NRAP: variants seen among roughly 807,000 people sequenced by gnomAD.
NRAP encodes the protein nebulin-related-anchoring protein.
Under a neutral mutation model 225.9 loss-of-function variants are expected in NRAP, and 189 were observed. That is an observed-to-expected ratio of 0.84 (90% CI 0.74 to 0.94). The LOEUF is 0.94. Ranked by LOEUF, NRAP falls within the 40% of genes least tolerant of loss-of-function variation. The pLI is 0.00. For synonymous variants in NRAP, 769 were observed against 790.7 expected (o/e 0.97, Z 0.46); for missense variants, 2,176 against 2,168.7 (o/e 1.00, Z -0.07).
chr10:113,646,129 A>C lies in NRAP; in HGVS notation c.994-188T>G, dbSNP rs563682848. 1.2e-3 allele frequency among the ~76,000 whole-genome samples: 188 copies of C among 152,236 alleles called. 2 individuals carry two copies. Among genetic ancestry groups the C allele is most frequent in the Non-Finnish European group, 1.2e-3 (83 of 68,004 alleles). On this transcript the variant is annotated intron_variant, in intron 10 of 41. Coordinates refer to ENST00000359988, the MANE Select transcript of NRAP (RefSeq NM_198060.4). ...CTACTTTGTCCTTTTTTGTTATTAAAATTTTCCTGGCCCTTTTCACACTTT... is the reference window on the plus strand; with the variant it reads ...CTACTTTGTCCTTTTTTGTTATTAACATTTTCCTGGCCCTTTTCACACTTT...
intron 19 of NRAP, 64 bp from the exon 20 acceptor site, chr10:113,629,085 G>A (rs962787786): frequency 1.8e-5 from 21 of 1,136,292 alleles, no homozygotes; most frequent in Non-Finnish European, 2.7e-5. Context: ...AAAGTTGATG[G>A]GAGAGTTAAG....
chr10:113,622,035 T>G lies in NRAP; in HGVS notation c.2603A>C (p.Lys868Thr), dbSNP rs780583055. Residue 868 changes from lysine (K) to threonine (T), a missense_variant, in exon 24 of 42, where the codon AAA (lysine) becomes ACA (threonine). By Grantham distance (78) the Lys-to-Thr change is moderately conservative. This residue lies in a region of NRAP where 1,708 missense variants were observed against 1,695.5 expected (regional missense o/e 1.01). Transcript: ENST00000359988. ...GTCCAGGGAGACGTGGCATTGGGAT[T>G]TGGTGTCCTCGAATCCCTTCTTGTA... ...LEYKKGFEDT[K>T]SQCHVSLDMV... The G allele has an allele frequency of 5.0e-6, 8 of 1,614,226 alleles. No individual in the cohort carries two copies. The South Asian group carries it at 8.8e-5, about 18-fold the overall frequency.
At chr10:113,614,699 A>C (rs1246653369) in intron 28 of NRAP, 140 bp downstream of exon 28, 3 of 642,270 alleles carry the variant, frequency 4.7e-6, no homozygotes, top group Non-Finnish European at 8.5e-6. Flanking sequence ...CTCACTGGTC[A>C]TTATCTGATT....
intron 14 of NRAP, among the ~76,000 whole-genome samples, chr10:113,635,020 G>A (rs552394562): frequency 2.4e-4 from 37 of 152,260 alleles, no homozygotes; most frequent in African/African-American, 8.7e-4. Flanking sequence ...AGAAGATGCA[G>A]GTTCAAAAGA....
At chr10:113,629,901 G>T in intron 18 of NRAP, 116 bp from the exon 19 acceptor site, 1 of 681,016 alleles carries the variant, frequency 1.5e-6, no homozygotes, top group South Asian at 1.8e-5. Context: ...TCGGCACTCT[G>T]GGCACTGCCA....
intron 35 of NRAP, among the ~76,000 whole-genome samples, chr10:113,601,077 C>T (rs914714686): frequency 2.0e-5 from 3 of 152,152 alleles, no homozygotes; most frequent in Non-Finnish European, 4.4e-5. Flanking sequence ...AGGCAACAGC[C>T]GACTTGAGAA....
At chr10:113,638,598 T>A (rs1849014351) in intron 14 of NRAP, among the ~76,000 whole-genome samples, 2 of 152,064 alleles carry the variant, frequency 1.3e-5, no homozygotes. Flanking sequence ...CTAAAGGAGG[T>A]ACAGCAACAG....
intron 35 of NRAP, among the ~76,000 whole-genome samples, chr10:113,600,348 A>C (rs1592734058): frequency 6.8e-6 from 1 of 147,456 alleles, no homozygotes; most frequent in Non-Finnish European, 1.5e-5. Context: ...ATTTTTTTTT[A>C]TTTTCTATTT....
At chr10:113,645,090 G>A (rs1178554253) in intron 11 of NRAP, among the ~76,000 whole-genome samples, 1 of 152,138 alleles carries the variant, frequency 6.6e-6, no homozygotes, top group African/African-American at 2.4e-5. Context: ...GTAAGGTAAG[G>A]GAAATTCACA....
chr10:113,610,328 T>G, intron 31 of NRAP, 131 bp downstream of exon 31: 1 of 522,920 alleles, frequency 1.9e-6, no homozygotes, highest in Non-Finnish European at 3.3e-6. Context: ...CCAGCCTGGG[T>G]GACAGAGCGA....
chr10:113,648,467 C>CTCTATATATA lies in NRAP; in HGVS notation c.889-1441_889-1440insTATATATAGA, dbSNP rs749486311. Among the ~76,000 whole-genome samples, 142 of 87,378 alleles carry CTCTATATATA rather than the reference C, an allele frequency of 1.6e-3. 1 individual carries two copies. The highest frequency in any genetic ancestry group is 2.0e-3 in the East Asian group (6 of 2,956). 57.3% of individuals were successfully genotyped at this position (87,378 alleles called of 152,430 possible). On this transcript the variant is annotated intron_variant, in intron 9 of 41. Coordinates refer to ENST00000359988, the MANE Select transcript of NRAP (RefSeq NM_198060.4). ...TCTCTCTCTCTCTCTCTCTCTCTCT[C>CTCTATATATA]TATATATATATATATATATATATGT...
At chr10:113,656,478 T>C (rs1052163436) in intron 4 of NRAP, among the ~76,000 whole-genome samples, 1 of 152,198 alleles carries the variant, frequency 6.6e-6, no homozygotes, top group African/African-American at 2.4e-5. Flanking sequence ...GGTGTGTCCT[T>C]AACCTTGGCA....
At chr10:113,630,563 G>T (rs1848523614) in intron 18 of NRAP, among the ~76,000 whole-genome samples, 1 of 152,158 alleles carries the variant, frequency 6.6e-6, no homozygotes, top group Non-Finnish European at 1.5e-5. Context: ...GCTCTAATTT[G>T]CTACCCCTCT....
intron 20 of NRAP, among the ~76,000 whole-genome samples, chr10:113,626,732 G>A (rs1407157766): frequency 2.0e-5 from 3 of 152,288 alleles, no homozygotes; most frequent in East Asian, 1.9e-4. Flanking sequence ...TTTAAGGAAG[G>A]AGACACAGAG....
At chr10:113,600,089 G>C (rs1432634460) in intron 35 of NRAP, among the ~76,000 whole-genome samples, 3 of 151,732 alleles carry the variant, frequency 2.0e-5, no homozygotes, top group African/African-American at 4.8e-5. Flanking sequence ...CTTGTGTAGA[G>C]TGGGGTTTGT....
intron 16 of NRAP, among the ~76,000 whole-genome samples, chr10:113,632,799 A>G (rs1848644232): frequency 6.6e-6 from 1 of 152,230 alleles, no homozygotes; most frequent in South Asian, 2.1e-4. Context: ...GCAAATCACC[A>G]GTTCACTAGG....
chr10:113,612,826 G>A (rs17090764), intron 29 of NRAP, among the ~76,000 whole-genome samples: 35,630 of 152,032 alleles, frequency 0.23, 4,384 homozygotes, highest in East Asian at 0.36. Flanking sequence ...GTTCAGACAC[G>A]AGGGATTCTC....
intron 5 of NRAP, among the ~76,000 whole-genome samples, chr10:113,653,501 C>G (rs912938762): frequency 6.6e-6 from 1 of 152,162 alleles, no homozygotes. Flanking sequence ...CTAGCATTTT[C>G]TTTCCATTTT....
intron 30 of NRAP, among the ~76,000 whole-genome samples, chr10:113,611,470 A>G (rs553471314): frequency 6.6e-6 from 1 of 152,334 alleles, no homozygotes; most frequent in African/African-American, 2.4e-5. Context: ...AGTAGTGAAC[A>G]GGATGTGGAT....
Sources: gnomAD v4.1 joint callset for allele counts (sites outside exome capture counted in the v4.1 genomes callset) on GRCh38, gnomAD v4.1.1 for gene constraint, gnomAD v4.1.1 regional missense constraint, MANE v1.5 for transcripts, NCBI Gene and HGNC (gene_info 2026-07-23, HGNC 2026-07-21) for gene names.